DTX2: variants seen among roughly 807,000 people sequenced by gnomAD.
DTX2 encodes the protein probable E3 ubiquitin-protein ligase DTX2.
A neutral mutation model predicts 55.3 loss-of-function variants in DTX2; 29 were observed. The observed-to-expected ratio is 0.52, with a 90% CI of 0.39 to 0.71. The LOEUF is 0.71. DTX2 is among the 30% of genes least tolerant of loss of function. The pLI is 0.00. For missense variants in DTX2, 537 were observed against 822.5 expected, an observed-to-expected ratio of 0.65 and a Z score of 4.25; for synonymous variants, 276 against 340.4, an observed-to-expected ratio of 0.81 and a Z score of 2.08.
intron 1 of DTX2, among the ~76,000 whole-genome samples, chr7:76,463,045 C>T (rs1256821721): frequency 1.7e-5 from 2 of 118,044 alleles, no homozygotes; most frequent in African/African-American, 3.3e-5. Context: ...GCAGCATGGG[C>T]GACAGAGGGA....
intron 3 of DTX2, 112 bp from the exon 4 acceptor site, chr7:76,482,396 T>C: frequency 8.8e-7 from 1 of 1,137,318 alleles, no homozygotes; most frequent in Non-Finnish European, 1.3e-6. Context: ...AGCATGACTG[T>C]GTACCTACTG....
intron 3 of DTX2, among the ~76,000 whole-genome samples, chr7:76,481,448 A>G (rs1809199779): frequency 6.6e-6 from 1 of 151,998 alleles, no homozygotes. Context: ...CGGCCTCCCA[A>G]AGTGCTGGGA....
intron 6 of DTX2, among the ~76,000 whole-genome samples, chr7:76,498,806 G>T (rs1811238805): frequency 7.2e-6 from 1 of 138,762 alleles, no homozygotes; most frequent in East Asian, 2.3e-4. Context: ...GTGTGTGGAG[G>T]TGTGGGGTGT....
At chr7:76,499,312 G>A in intron 6 of DTX2, among the ~76,000 whole-genome samples, 1 of 124,376 alleles carries the variant, frequency 8.0e-6, no homozygotes, top group Middle Eastern at 4.2e-3. Context: ...GAGGTGGCAT[G>A]ATTCGTTCAC....
In DTX2 at chr7:76,505,932, G is replaced by T. The variant is rs1446036355; in HGVS notation, c.*331G>T. On this transcript the variant is annotated 3_prime_UTR_variant, in exon 11 of 11. Transcript: ENST00000430490. This position sits in a 1 kb window ranked among gnomAD's most constrained non-coding sequence, Gnocchi z 4.4. ...AGACTTCCCCAGCCTGGACGGGCGT[G>T]GGTTCTGGGTCAGCTTCTTTTACCT... The T allele has an allele frequency of 2.0e-6, 1 of 495,092 alleles. No individual in the cohort carries two copies. Among genetic ancestry groups the T allele is most frequent in the South Asian group, 2.5e-5 (1 of 40,488 alleles). 30.7% of individuals were successfully genotyped at this position (495,092 alleles called of 1,614,324 possible).
intron 2 of DTX2, among the ~76,000 whole-genome samples, chr7:76,479,733 C>T (rs1324585710): frequency 6.6e-6 from 1 of 151,282 alleles, no homozygotes; most frequent in Non-Finnish European, 1.5e-5. Flanking sequence ...TGCAGTGAGC[C>T]GAGATCACAC....
At chr7:76,476,013 G>A (rs1808511831) in intron 2 of DTX2, among the ~76,000 whole-genome samples, 2 of 25,784 alleles carry the variant, frequency 7.8e-5, no homozygotes, top group African/African-American at 1.7e-4. Flanking sequence ...CAAGCGATCC[G>A]CCCGCCTCGG....
chr7:76,477,217 G>A (rs1808647709), intron 2 of DTX2: 3 of 145,406 alleles, frequency 2.1e-5, no homozygotes, highest in Admixed American at 6.7e-5. Context: ...TTTGTCGGAG[G>A]AATTGGCAGC....
intron 6 of DTX2, among the ~76,000 whole-genome samples, chr7:76,498,701 C>T (rs1811216498): frequency 9.4e-6 from 1 of 106,506 alleles, no homozygotes; most frequent in Non-Finnish European, 1.8e-5. Context: ...TAGGGCATTC[C>T]AGCCACACGG....
At chr7:76,472,501 A>G (rs1430138565) in intron 2 of DTX2, among the ~76,000 whole-genome samples, 1 of 146,686 alleles carries the variant, frequency 6.8e-6, no homozygotes, top group Admixed American at 6.9e-5. Flanking sequence ...TAATTTTTGT[A>G]TTTTTAGTAG....
At chr7:76,471,511 G>A (rs1487185122) in intron 2 of DTX2, among the ~76,000 whole-genome samples, 2 of 149,916 alleles carry the variant, frequency 1.3e-5, no homozygotes, top group Non-Finnish European at 2.9e-5. Context: ...TCCTGGATGC[G>A]GGTTCCTGCT....
chr7:76,501,143 G>A (rs1418044651), intron 7 of DTX2: 18 of 389,722 alleles, frequency 4.6e-5, no homozygotes, highest in African/African-American at 2.1e-5. Flanking sequence ...TGGAGATACT[G>A]TTGGGGGAGG....
intron 2 of DTX2, among the ~76,000 whole-genome samples, chr7:76,475,668 A>C (rs1484500234): frequency 6.6e-6 from 1 of 151,202 alleles, no homozygotes; most frequent in Non-Finnish European, 1.5e-5. Context: ...GCCTGGCGAC[A>C]GAGCAAGGCT....
chr7:76,503,224 A>G, intron 8 of DTX2: 1 of 615,034 alleles, frequency 1.6e-6, no homozygotes. Context: ...ATGTCCCTTA[A>G]CGAAAATGGC....
intron 4 of DTX2, among the ~76,000 whole-genome samples, chr7:76,488,597 T>TA (rs1454872763): frequency 1.3e-5 from 1 of 79,690 alleles, no homozygotes; most frequent in African/African-American, 6.0e-5. Context: ...CACTTTCCTT[T>TA]AAAAAAAAGA....
chr7:76,495,672 C>A (rs1198556185), intron 5 of DTX2, among the ~76,000 whole-genome samples: 1 of 150,070 alleles, frequency 6.7e-6, no homozygotes, highest in African/African-American at 2.5e-5. Context: ...CAGGCACTGC[C>A]CCAGCGGGGT....
At chr7:76,490,218 C>T (rs1810272089) in intron 4 of DTX2, among the ~76,000 whole-genome samples, 1 of 84,744 alleles carries the variant, frequency 1.2e-5, no homozygotes. Flanking sequence ...CCCAGCTACT[C>T]AGGAGGCTGA....
At chr7:76,478,129 A>G (rs1406720231) in intron 2 of DTX2, 1 of 145,914 alleles carries the variant, frequency 6.9e-6, no homozygotes, top group Non-Finnish European at 1.5e-5. Flanking sequence ...GCCCCCACTG[A>G]TACAATCTGG....
At chr7:76,482,027 T>C (rs929981251) in intron 3 of DTX2, among the ~76,000 whole-genome samples, 4 of 152,094 alleles carry the variant, frequency 2.6e-5, no homozygotes, top group African/African-American at 7.2e-5. Context: ...AGGAGTGTCG[T>C]AGAGTCTGTG....
Sources: allele counts gnomAD v4.1 joint callset (sites outside exome capture counted in the v4.1 genomes callset), GRCh38; gene constraint gnomAD v4.1.1; non-coding constraint Gnocchi (gnomAD v3.1); transcripts MANE v1.5; gene names NCBI Gene and HGNC (gene_info 2026-07-23, HGNC 2026-07-21).